The following TEX2 variants were observed in gnomAD, a reference collection of about 807,000 sequenced individuals.
The protein encoded by TEX2 is testis-expressed protein 2.
TEX2 carries 53 observed loss-of-function variants against 106.9 expected under a neutral mutation model. The observed-to-expected ratio is 0.50, with a 90% CI of 0.40 to 0.62. The LOEUF (loss-of-function observed/expected upper bound fraction) is 0.62. Among genes scored for constraint, TEX2 ranks in the 20% least tolerant of loss-of-function variants. The pLI is 0.00. For missense variants in TEX2, 1,207 were observed against 1,379.0 expected (o/e 0.88, Z 1.98); for synonymous variants, 523 against 534.8 (o/e 0.98, Z 0.30).
intron 2 of TEX2, among the ~76,000 whole-genome samples, chr17:64,210,154 G>A (rs2032952337): frequency 6.6e-6 from 1 of 152,176 alleles, no homozygotes; most frequent in African/African-American, 2.4e-5. Flanking sequence ...TGGAGAGCAC[G>A]TACTTCAGGT....
intron 1 of TEX2, among the ~76,000 whole-genome samples, chr17:64,227,971 A>G (rs1234261461): frequency 6.6e-6 from 1 of 152,358 alleles, no homozygotes; most frequent in East Asian, 1.9e-4. Flanking sequence ...TGAATATTCC[A>G]TAATGTAATT....
intron 7 of TEX2, among the ~76,000 whole-genome samples, chr17:64,161,150 C>T (rs1310603642): frequency 6.6e-6 from 1 of 152,170 alleles, no homozygotes; most frequent in African/African-American, 2.4e-5. Flanking sequence ...CAGCCAGCAT[C>T]TGAGGACCCA....
chr17:64,241,110 C>A (rs1360320879), intron 1 of TEX2, among the ~76,000 whole-genome samples: 2 of 152,194 alleles, frequency 1.3e-5, no homozygotes, highest in East Asian at 1.9e-4. Context: ...AGCTGGCCTC[C>A]AGATGCAGTG....
chr17:64,228,502 G>A (rs2033569167), intron 1 of TEX2, among the ~76,000 whole-genome samples: 1 of 152,186 alleles, frequency 6.6e-6, no homozygotes, highest in African/African-American at 2.4e-5. Context: ...TCATAAGGAG[G>A]AGCAACCTAG....
intron 2 of TEX2, among the ~76,000 whole-genome samples, chr17:64,210,634 C>CCTT (rs1360266899): frequency 3.6e-4 from 27 of 74,764 alleles, no homozygotes; most frequent in African/African-American, 1.6e-3. Context: ...CAACCCCCAG[C>CCTT]TTTTTTTTTT....
At position 64,160,663 on chromosome 17, in the gene TEX2, T is replaced by C. The variant is rs558821017; in HGVS notation, c.2804+138A>G. ...GAGACTAGGAAACCATTCCCTGAAA[T>C]GCTCTGGTCCAGGAGCACTTACACA... On this transcript the variant is annotated intron_variant, in intron 8 of 11. Coordinates refer to ENST00000584379, the MANE Select transcript of TEX2 (RefSeq NM_001288732.2). The C allele has an allele frequency of 2.1e-5, 23 of 1,107,184 alleles. 1 individual carries two copies. The East Asian group carries it at 5.1e-4, about 25-fold the overall frequency. 68.6% of individuals were successfully genotyped at this position (1,107,184 alleles called of 1,614,324 possible).
intron 1 of TEX2, among the ~76,000 whole-genome samples, chr17:64,232,005 T>A (rs1555634691): frequency 2.0e-5 from 3 of 152,232 alleles, no homozygotes; most frequent in Non-Finnish European, 4.4e-5. Context: ...CCTTCTCTAA[T>A]CACCAGCACT....
chr17:64,203,969 CAGTAAT>C (rs1355477059), intron 2 of TEX2, among the ~76,000 whole-genome samples: 1 of 152,120 alleles, frequency 6.6e-6, no homozygotes, highest in Non-Finnish European at 1.5e-5. Flanking sequence ...CACTGACAGA[CAGTAAT>C]AGAATAGGAG....
intron 2 of TEX2, among the ~76,000 whole-genome samples, chr17:64,207,741 C>T (rs201411424): frequency 5.6e-4 from 80 of 143,436 alleles, no homozygotes; most frequent in African/African-American, 1.7e-3. Flanking sequence ...TTTTTTTTTT[C>T]TTTTTTTTTT....
At chr17:64,154,389 C>G (rs1295977826) in intron 9 of TEX2, among the ~76,000 whole-genome samples, 4 of 152,190 alleles carry the variant, frequency 2.6e-5, no homozygotes, top group African/African-American at 9.7e-5. Context: ...GTTCATGATC[C>G]AAAAGATCAG....
At chr17:64,239,915 TAAGAG>T (rs1207861721) in intron 1 of TEX2, among the ~76,000 whole-genome samples, 4 of 115,974 alleles carry the variant, frequency 3.4e-5, no homozygotes, top group Admixed American at 1.9e-4. Flanking sequence ...GCAGAGAAGA[TAAGAG>T]AAGAGAAATA....
intron 5 of TEX2, among the ~76,000 whole-genome samples, chr17:64,186,234 G>A (rs549450213): frequency 1.3e-5 from 2 of 152,342 alleles, no homozygotes; most frequent in African/African-American, 4.8e-5. Context: ...ACAGCTGACA[G>A]CCTCGCATTT....
intron 1 of TEX2, among the ~76,000 whole-genome samples, chr17:64,215,702 C>T (rs781788691): frequency 2.6e-5 from 4 of 152,170 alleles, no homozygotes; most frequent in Non-Finnish European, 4.4e-5. Context: ...AAACGCTACA[C>T]GTTTATGTTT....
chr17:64,154,543 T>G (rs1422377038), intron 9 of TEX2, among the ~76,000 whole-genome samples: 1 of 152,174 alleles, frequency 6.6e-6, no homozygotes, highest in Non-Finnish European at 1.5e-5. Context: ...GGGTGTATGC[T>G]CGGTTCCTTC....
chr17:64,153,964 C>T lies in TEX2; in HGVS notation c.2931-810G>A, dbSNP rs1327792482. ...ACAAACAAACAAACAAAATGCTACACCAAGTTGACGTGCTCACAGGCCAAG... is the reference window on the plus strand; with the variant it reads ...ACAAACAAACAAACAAAATGCTACATCAAGTTGACGTGCTCACAGGCCAAG... On this transcript the variant is annotated intron_variant, in intron 9 of 11. Transcript: ENST00000584379. This position sits in a 1 kb window ranked among gnomAD's most constrained non-coding sequence, Gnocchi z 4.1. 1.3e-5 allele frequency among the ~76,000 whole-genome samples: 2 copies of T among 152,110 alleles called. No individual in the cohort carries two copies. Among genetic ancestry groups the T allele is most frequent in the African/African-American group, 2.4e-5 (1 of 41,416 alleles).
intron 1 of TEX2, among the ~76,000 whole-genome samples, chr17:64,235,242 C>T (rs2033742208): frequency 6.6e-6 from 1 of 152,196 alleles, no homozygotes; most frequent in Admixed American, 6.5e-5. Flanking sequence ...AGGCAACTCA[C>T]CAAGGTAACA....
chr17:64,249,892 T>C (rs1340719324), intron 1 of TEX2, among the ~76,000 whole-genome samples: 2 of 152,090 alleles, frequency 1.3e-5, no homozygotes, highest in African/African-American at 2.4e-5. Context: ...TAAAAAAAAA[T>C]TAATGTTCCT....
intron 1 of TEX2, among the ~76,000 whole-genome samples, chr17:64,258,275 C>G (rs2034222677): frequency 6.6e-6 from 1 of 152,062 alleles, no homozygotes; most frequent in Non-Finnish European, 1.5e-5. Flanking sequence ...ATAAATTAAA[C>G]TTTATTATAG....
At chr17:64,177,643 G>T (rs2031668846) in intron 5 of TEX2, among the ~76,000 whole-genome samples, 172 bp from the exon 6 acceptor site, 1 of 152,160 alleles carries the variant, frequency 6.6e-6, no homozygotes, top group Non-Finnish European at 1.5e-5. Context: ...CTAGGAAAGG[G>T]GAGAAACGAA....
Sources: allele counts gnomAD v4.1 joint callset (sites outside exome capture counted in the v4.1 genomes callset), GRCh38; gene constraint gnomAD v4.1.1; non-coding constraint Gnocchi (gnomAD v3.1); transcripts MANE v1.5; gene names NCBI Gene and HGNC (gene_info 2026-07-23, HGNC 2026-07-21).